LITAF: variants seen among roughly 807,000 people sequenced by gnomAD.
LITAF encodes lipopolysaccharide-induced tumor necrosis factor-alpha factor.
A neutral mutation model predicts 14.5 loss-of-function variants in LITAF; 9 were observed. The ratio of observed to expected loss-of-function variants is 0.62; its 90% CI spans 0.37 to 1.08. The LOEUF is 1.08. Among genes scored for constraint, LITAF ranks in the 50% least tolerant of loss-of-function variants. The pLI is 0.01. For missense variants in LITAF, 206 were observed against 213.4 expected, an observed-to-expected ratio of 0.97 and a Z score of 0.22; for synonymous variants, 98 against 88.2, an observed-to-expected ratio of 1.11 and a Z score of -0.62.
chr16:11,638,002 ATC>A (rs1459858489), upstream of LITAF, among the ~76,000 whole-genome samples: 100 of 105,966 alleles, frequency 9.4e-4, 5 homozygotes, highest in African/African-American at 5.1e-3. Flanking sequence ...ATCTATATAT[ATC>A]TATATATATC....
At chr16:11,573,566 C>T (rs148927881) in intron 1 of LITAF, among the ~76,000 whole-genome samples, 9 of 152,294 alleles carry the variant, frequency 5.9e-5, no homozygotes, top group African/African-American at 2.2e-4. Flanking sequence ...TGGTCCCTCC[C>T]CACAAGGTAC....
rs528687602 is a variant in LITAF, at chr16:11,549,798, C to A, written c.378-53G>T. On this transcript the variant is annotated intron_variant, in intron 3 of 3. Coordinates refer to ENST00000622633, the MANE Select transcript of LITAF (RefSeq NM_001136472.2). The surrounding 1 kb of genome is among the most constrained non-coding windows in gnomAD (Gnocchi z 4.6). ...GCGTTACTGATCACAACAGGGTGAA[C>A]ACTGGCTGCCAAAACCATGTTCATG... 1 of 1,388,574 alleles carries A rather than the reference C, an allele frequency of 7.2e-7. No homozygotes were observed. Among genetic ancestry groups the A allele is most frequent in the South Asian group, 1.2e-5 (1 of 82,802 alleles). The allele number at this position is 1,388,574 out of a possible 1,614,324, so 86.0% of individuals were successfully genotyped here.
At chr16:11,610,789 G>A (rs370056646) in intron 3 of LITAF, among the ~76,000 whole-genome samples, 1 of 152,148 alleles carries the variant, frequency 6.6e-6, no homozygotes, top group Non-Finnish European at 1.5e-5. Flanking sequence ...AACCATTCAA[G>A]GCAACCTGTA....
At chr16:11,607,545 G>GAA (rs35035989) in intron 3 of LITAF, among the ~76,000 whole-genome samples, 3 of 142,072 alleles carry the variant, frequency 2.1e-5, no homozygotes, top group Admixed American at 1.4e-4. Context: ...TATCATTCGG[G>GAA]AAAAAAAAAA....
intron 1 of LITAF, among the ~76,000 whole-genome samples, chr16:11,581,260 C>G (rs2064728130): frequency 6.6e-6 from 1 of 152,218 alleles, no homozygotes; most frequent in African/African-American, 2.4e-5. Flanking sequence ...AAAGTCTTCT[C>G]TCTCCCCTAC....
intron 3 of LITAF, among the ~76,000 whole-genome samples, chr16:11,618,039 A>T (rs2065028683): frequency 6.6e-6 from 1 of 151,924 alleles, no homozygotes; most frequent in Non-Finnish European, 1.5e-5. Context: ...ACCAGCTTCC[A>T]AAAAAATTTT....
Position 11,549,380 on chromosome 16 carries a change from T to A in LITAF, c.*257A>T. On this transcript the variant is annotated 3_prime_UTR_variant, in exon 4 of 4. Transcript: ENST00000622633. The surrounding 1 kb of genome is among the most constrained non-coding windows in gnomAD (Gnocchi z 4.6). Reference sequence around the variant, plus strand: ...CACAGTTAGATGGCAGGACTCAGGGTCTCAGGGAGGCAGGAAACCGTGGAA... The same window carrying A: ...CACAGTTAGATGGCAGGACTCAGGGACTCAGGGAGGCAGGAAACCGTGGAA... 1.9e-6 allele frequency: 1 copy of A among 536,678 alleles called. No homozygotes were observed. The highest frequency in any genetic ancestry group is 1.5e-5 in the South Asian group (1 of 65,204). The allele number at this position is 536,678 out of a possible 1,614,324, so 33.2% of individuals were successfully genotyped here. A position where few individuals can be genotyped will look rare whatever the true frequency, so the allele number is the denominator to read the frequency against.
intron 1 of LITAF, among the ~76,000 whole-genome samples, chr16:11,565,703 G>A (rs951879370): frequency 4.6e-5 from 7 of 152,110 alleles, no homozygotes; most frequent in Non-Finnish European, 7.4e-5. Flanking sequence ...CCTACCAACC[G>A]CACAGTCTCT....
chr16:11,578,375 T>C (rs1205839956), intron 1 of LITAF, among the ~76,000 whole-genome samples: 1 of 151,964 alleles, frequency 6.6e-6, no homozygotes, highest in East Asian at 1.9e-4. Context: ...CTGGCCAACA[T>C]GGGGAAACAT....
chr16:11,601,459 A>G (rs2064925920), upstream of LITAF, among the ~76,000 whole-genome samples: 1 of 152,198 alleles, frequency 6.6e-6, no homozygotes, highest in Non-Finnish European at 1.5e-5. Flanking sequence ...AAGGTTAGCT[A>G]CTTGACCCAA....
chr16:11,612,674 A>C (rs1158736973), intron 3 of LITAF, among the ~76,000 whole-genome samples: 3 of 150,176 alleles, frequency 2.0e-5, no homozygotes, highest in African/African-American at 7.3e-5. Context: ...CTCCCAGCCC[A>C]GAACTGGCCA....
upstream of LITAF, among the ~76,000 whole-genome samples, chr16:11,589,781 G>C (rs1216737069): frequency 1.6e-5 from 2 of 126,548 alleles, no homozygotes. Context: ...ACTGTGCCCA[G>C]CTAGTTTTTT....
At chr16:11,626,997 C>A (rs1003636562) in intron 3 of LITAF, among the ~76,000 whole-genome samples, 1 of 152,188 alleles carries the variant, frequency 6.6e-6, no homozygotes, top group Admixed American at 6.5e-5. Flanking sequence ...CACGCACCAC[C>A]ATGCCTGGCT....
At chr16:11,597,961 C>T (rs895879704) in intron 1 of LITAF, among the ~76,000 whole-genome samples, 1 of 152,186 alleles carries the variant, frequency 6.6e-6, no homozygotes, top group African/African-American at 2.4e-5. Context: ...GGCTGGAGTG[C>T]AGTGGCGCTA....
chr16:11,573,784 C>G (rs367569331), intron 1 of LITAF, among the ~76,000 whole-genome samples: 1 of 149,786 alleles, frequency 6.7e-6, no homozygotes, highest in Non-Finnish European at 1.5e-5. Context: ...TCACTGCAAC[C>G]TCCACTTCTC....
chr16:11,588,137 T>C (rs1270174908), upstream of LITAF, among the ~76,000 whole-genome samples: 1 of 152,102 alleles, frequency 6.6e-6, no homozygotes, highest in African/African-American at 2.4e-5. Context: ...GATTTCAAAG[T>C]TCTCCCAAGC....
intron 1 of LITAF, among the ~76,000 whole-genome samples, chr16:11,566,038 G>C (rs530493917): frequency 4.1e-4 from 63 of 152,124 alleles, no homozygotes; most frequent in Middle Eastern, 3.4e-3. Flanking sequence ...TTCCTCATAA[G>C]GCTCTTGAGA....
chr16:11,593,602 T>A (rs1262532270), intron 1 of LITAF, among the ~76,000 whole-genome samples: 1 of 152,150 alleles, frequency 6.6e-6, no homozygotes, highest in Non-Finnish European at 1.5e-5. Flanking sequence ...AGTGAATGAA[T>A]GGACAGACAA....
intron 3 of LITAF, among the ~76,000 whole-genome samples, chr16:11,617,049 A>G (rs2065023484): frequency 6.6e-6 from 1 of 151,580 alleles, no homozygotes; most frequent in African/African-American, 2.4e-5. Flanking sequence ...GTGAAACCCC[A>G]TCTCTACTAA....
Sources: gnomAD v4.1 joint callset for allele counts (sites outside exome capture counted in the v4.1 genomes callset) on GRCh38, gnomAD v4.1.1 for gene constraint, Gnocchi (gnomAD v3.1) non-coding constraint, MANE v1.5 for transcripts, NCBI Gene and HGNC (gene_info 2026-07-23, HGNC 2026-07-21) for gene names.